The following CENPP variants were observed in gnomAD, a reference collection of about 807,000 sequenced individuals.
CENPP encodes the protein centromere protein P.
CENPP carries 24 observed loss-of-function variants against 35.6 expected under a neutral mutation model. The ratio of observed to expected loss-of-function variants is 0.67; its 90% CI spans 0.49 to 0.95. CENPP has a LOEUF of 0.95. Ranked by LOEUF, CENPP falls within the 40% of genes least tolerant of loss-of-function variation. The pLI, the probability that CENPP is intolerant of heterozygous loss-of-function variation, is 0.00. For synonymous variants in CENPP, 120 were observed against 125.5 expected (o/e 0.96, Z 0.29); for missense variants, 332 against 345.3 (o/e 0.96, Z 0.31).
At chr9:92,554,959 T>C (rs537124613) in intron 5 of CENPP, among the ~76,000 whole-genome samples, 5 of 152,190 alleles carry the variant, frequency 3.3e-5, no homozygotes, top group African/African-American at 9.6e-5. Flanking sequence ...TATTTTGTTA[T>C]GGATTTTAGT....
intron 5 of CENPP, chr9:92,502,531 A>G (rs1846743993): frequency 1.2e-6 from 2 of 1,613,044 alleles, no homozygotes; most frequent in Non-Finnish European, 1.7e-6. Context: ...TATCCAGGCT[A>G]AAGGAGCAAT....
At chr9:92,481,044 C>T (rs532860050) in intron 5 of CENPP, among the ~76,000 whole-genome samples, 1 of 152,122 alleles carries the variant, frequency 6.6e-6, no homozygotes, top group Non-Finnish European at 1.5e-5. Flanking sequence ...CTAATTTTGC[C>T]CTTCATTAAT....
intron 5 of CENPP, among the ~76,000 whole-genome samples, chr9:92,453,821 A>T (rs957025014): frequency 9.9e-5 from 15 of 152,146 alleles, no homozygotes; most frequent in African/African-American, 3.1e-4. Flanking sequence ...GAAATTTTTT[A>T]AAAAAAGCTT....
intron 5 of CENPP, among the ~76,000 whole-genome samples, chr9:92,463,398 C>A (rs1389018246): frequency 1.3e-5 from 2 of 152,176 alleles, no homozygotes. Context: ...AGATTTGATT[C>A]CAATTTAAAT....
chr9:92,440,373 ATAAAT>A (rs552071118), intron 5 of CENPP, among the ~76,000 whole-genome samples: 65 of 151,752 alleles, frequency 4.3e-4, no homozygotes, highest in African/African-American at 1.5e-3. Context: ...AAATAAATAA[ATAAAT>A]AAATAAATCA....
chr9:92,496,272 A>C, intron 5 of CENPP: 1 of 1,537,532 alleles, frequency 6.5e-7, no homozygotes, highest in Non-Finnish European at 8.7e-7. Flanking sequence ...AGCTACTACA[A>C]ATACATGAGT....
At chr9:92,408,826 T>C (rs1843374223) in intron 5 of CENPP, among the ~76,000 whole-genome samples, 1 of 152,212 alleles carries the variant, frequency 6.6e-6, no homozygotes, top group African/African-American at 2.4e-5. Context: ...ATCATTCGTA[T>C]TGATAACTGC....
At chr9:92,378,298 C>T (rs1480594152) in intron 4 of CENPP, among the ~76,000 whole-genome samples, 1 of 152,106 alleles carries the variant, frequency 6.6e-6, no homozygotes, top group East Asian at 1.9e-4. Flanking sequence ...TCCCTTCTGC[C>T]AGGCCTGTTT....
chr9:92,454,538 T>C (rs921390395), intron 5 of CENPP, among the ~76,000 whole-genome samples: 1 of 152,168 alleles, frequency 6.6e-6, no homozygotes, highest in Non-Finnish European at 1.5e-5. Context: ...TGTAGAAAAA[T>C]TTATTTTGTT....
chr9:92,613,348 G>C lies in CENPP; in HGVS notation c.*199G>C. 1 of 570,962 alleles carries C rather than the reference G, an allele frequency of 1.8e-6. No homozygotes were observed. The highest frequency in any genetic ancestry group is 2.1e-5 in the South Asian group (1 of 48,318). 35.4% of individuals were successfully genotyped at this position (570,962 alleles called of 1,614,324 possible). A position where few individuals can be genotyped will look rare whatever the true frequency, so the allele number is the denominator to read the frequency against. On this transcript the variant is annotated 3_prime_UTR_variant, in exon 8 of 8. Transcript: ENST00000375587. ...GTTAAGTATAAAATGCCAAATAAAA[G>C]TGACACGTACAATGTGGTTTATAAA... is the stretch of plus-strand genomic sequence containing the variant.
intron 5 of CENPP, chr9:92,514,863 A>ATCC (rs752071573): frequency 1.1e-5 from 18 of 1,608,214 alleles, no homozygotes; most frequent in Admixed American, 1.0e-4. Context: ...CCTCCTCCTC[A>ATCC]TCCTCCTCCT....
chr9:92,491,667 CA>C (rs1265978261), intron 5 of CENPP, among the ~76,000 whole-genome samples: 1 of 152,176 alleles, frequency 6.6e-6, no homozygotes, highest in African/African-American at 2.4e-5. Context: ...TTATGAGAAT[CA>C]GAGCAGTTTC....
chr9:92,388,187 C>A (rs1433854325), intron 5 of CENPP, among the ~76,000 whole-genome samples: 1 of 151,704 alleles, frequency 6.6e-6, no homozygotes, highest in African/African-American at 2.4e-5. Context: ...GAGACTGAAT[C>A]TTGCTCTGTG....
chr9:92,496,166 G>C, intron 5 of CENPP: 1 of 1,353,760 alleles, frequency 7.4e-7, no homozygotes, highest in Non-Finnish European at 9.4e-7. Context: ...GGTATATTTT[G>C]GTTGTTCATC....
intron 5 of CENPP, chr9:92,424,070 A>G (rs1221638393): frequency 6.6e-6 from 1 of 152,204 alleles, no homozygotes; most frequent in African/African-American, 2.4e-5. Context: ...CTTTTTTACC[A>G]GATTTTGCTT....
chr9:92,611,432 TCAAA>T, intron 6 of CENPP, 39 bp downstream of exon 6: 1 of 1,534,644 alleles, frequency 6.5e-7, no homozygotes, highest in South Asian at 1.1e-5. Flanking sequence ...CATTTCCTGT[TCAAA>T]CAAGGATTCC....
intron 5 of CENPP, among the ~76,000 whole-genome samples, chr9:92,572,841 G>C (rs1850178382): frequency 6.6e-6 from 1 of 151,718 alleles, no homozygotes; most frequent in African/African-American, 2.4e-5. Flanking sequence ...TCATTCATTT[G>C]ATCTTCAATC....
intron 5 of CENPP, among the ~76,000 whole-genome samples, chr9:92,537,739 A>G (rs1849220868): frequency 6.6e-6 from 1 of 152,230 alleles, no homozygotes; most frequent in Non-Finnish European, 1.5e-5. Context: ...AGAAGAGGAA[A>G]TGTCAGTGGT....
chr9:92,597,178 T>C (rs569553733), intron 5 of CENPP, among the ~76,000 whole-genome samples: 19 of 152,306 alleles, frequency 1.2e-4, no homozygotes, highest in South Asian at 4.1e-4. Context: ...AAGCAAGTTA[T>C]GTTAATTATT....
Sources: allele counts gnomAD v4.1 joint callset (sites outside exome capture counted in the v4.1 genomes callset), GRCh38; gene constraint gnomAD v4.1.1; transcripts MANE v1.5; gene names NCBI Gene and HGNC (gene_info 2026-07-23, HGNC 2026-07-21).